Variants in SRGAP3 observed in about 807,000 individuals in gnomAD.
The protein encoded by SRGAP3 is SLIT-ROBO Rho GTPase activating protein 3, also known as SLIT-ROBO Rho GTPase-activating protein 3.
A neutral mutation model predicts 121.1 loss-of-function variants in SRGAP3; 39 were observed. The observed-to-expected ratio is 0.32, with a 90% CI of 0.25 to 0.42. The LOEUF is 0.42. Among genes scored for constraint, SRGAP3 ranks in the 10% least tolerant of loss-of-function variants. The probability of loss-of-function intolerance (pLI) is 1.00; values close to 1 mark genes in which losing one functional copy is unlikely to be tolerated. For missense variants in SRGAP3, 1,213 were observed against 1,470.6 expected (o/e 0.82, Z 2.86); for synonymous variants, 601 against 570.0 (o/e 1.05, Z -0.77).
chr3:9,088,562 C>T (rs1232743195), intron 3 of SRGAP3, among the ~76,000 whole-genome samples: 2 of 152,152 alleles, frequency 1.3e-5, no homozygotes, highest in Non-Finnish European at 2.9e-5. Context: ...ATTCCCTACC[C>T]CCAACCCCCA....
chr3:9,210,112 G>A (rs375876169), intron 1 of SRGAP3, among the ~76,000 whole-genome samples: 1 of 152,192 alleles, frequency 6.6e-6, no homozygotes, highest in East Asian at 1.9e-4. Flanking sequence ...CAAATCTATA[G>A]AGGCAGAAAA....
chr3:9,233,466 T>C (rs748618965), intron 1 of SRGAP3, among the ~76,000 whole-genome samples: 8 of 152,244 alleles, frequency 5.3e-5, no homozygotes, highest in East Asian at 1.9e-4. Flanking sequence ...CATCCCACGA[T>C]GGTATTTACC....
chr3:9,288,419 G>C (rs980168157), intron 3 of SRGAP3, among the ~76,000 whole-genome samples: 2 of 151,792 alleles, frequency 1.3e-5, no homozygotes, highest in African/African-American at 4.8e-5. Flanking sequence ...TTGCAGGCAT[G>C]AGCCACCACA....
At chr3:9,148,161 GAGGAGC>G (rs1342362636) in intron 1 of SRGAP3, among the ~76,000 whole-genome samples, 4 of 152,194 alleles carry the variant, frequency 2.6e-5, no homozygotes, top group Non-Finnish European at 5.9e-5. Flanking sequence ...GAGGGAGAAG[GAGGAGC>G]AGGAGGAGGA....
intron 4 of SRGAP3, among the ~76,000 whole-genome samples, chr3:9,071,664 A>G (rs1946727261): frequency 6.6e-6 from 1 of 151,616 alleles, no homozygotes; most frequent in African/African-American, 2.4e-5. Context: ...GGATGGATGG[A>G]TGGATGGATG....
chr3:9,309,096 A>G (rs77144348), intron 3 of SRGAP3, among the ~76,000 whole-genome samples: 13,406 of 152,242 alleles, frequency 0.088, 698 homozygotes, highest in Admixed American at 0.13. Context: ...TCCCCTCAGG[A>G]TGCTCCTTTT....
chr3:9,049,777 C>CT (rs34472476), intron 9 of SRGAP3, among the ~76,000 whole-genome samples: 108,216 of 142,682 alleles, frequency 0.76, 41,090 homozygotes, highest in African/African-American at 0.83. Flanking sequence ...TGAGAACCTA[C>CT]TTTTTTTTTT....
Position 8,985,897 on chromosome 3 carries a change from C to G in SRGAP3, c.2922G>C (p.Glu974Asp). 1 of 1,599,768 alleles carries G rather than the reference C, an allele frequency of 6.3e-7. No homozygotes were observed. Among genetic ancestry groups the G allele is most frequent in the Non-Finnish European group, 8.5e-7 (1 of 1,179,904 alleles). ...TGTTCTGCCTCTCGAGTTCCCGCAA[C>G]TCGTGCAGAGCCGTGCTCATGGTCT... is the stretch of plus-strand genomic sequence containing the variant. ...IEKTMSTALH[E>D]LRELERQNTV... Residue 974 changes from glutamate (E) to aspartate (D), a missense_variant, in exon 22 of 22, where the codon GAG becomes GAC. Physicochemically the swap from Glu to Asp is conservative, Grantham distance 45. Around this residue, in one of 2 missense-constraint regions of SRGAP3, gnomAD observed 420 missense variants for 437.7 expected, o/e 0.96. Coordinates refer to ENST00000383836, the MANE Select transcript of SRGAP3 (RefSeq NM_014850.4). The surrounding 1 kb of genome is among the most constrained non-coding windows in gnomAD (Gnocchi z 5.1).
chr3:9,082,939 G>A (rs1476748877), intron 3 of SRGAP3, among the ~76,000 whole-genome samples: 1 of 152,146 alleles, frequency 6.6e-6, no homozygotes, highest in African/African-American at 2.4e-5. Flanking sequence ...CAGAAACCTC[G>A]GAGGCAATTC....
chr3:9,337,226 G>T (rs1955708584), intron 1 of SRGAP3, among the ~76,000 whole-genome samples: 1 of 152,164 alleles, frequency 6.6e-6, no homozygotes, highest in Non-Finnish European at 1.5e-5. Flanking sequence ...GCTTTACTCA[G>T]TCTACCAATT....
At chr3:9,292,685 G>C (rs1271369869) in intron 3 of SRGAP3, 1 of 152,122 alleles carries the variant, frequency 6.6e-6, no homozygotes, top group Non-Finnish European at 1.5e-5. Flanking sequence ...CTAGCCCCGA[G>C]CAAAGAAACC....
chr3:9,157,815 TAA>T (rs1379491509), intron 1 of SRGAP3, among the ~76,000 whole-genome samples: 1 of 152,168 alleles, frequency 6.6e-6, no homozygotes, highest in African/African-American at 2.4e-5. Context: ...GTCACACTGT[TAA>T]AATACAAACT....
At chr3:9,172,898 G>A (rs1169387937) in intron 1 of SRGAP3, among the ~76,000 whole-genome samples, 3 of 152,234 alleles carry the variant, frequency 2.0e-5, no homozygotes, top group Non-Finnish European at 2.9e-5. Context: ...TGTCTAGTGC[G>A]GTAGATGAGA....
At chr3:8,994,968 T>G (rs1182340643) in intron 18 of SRGAP3, among the ~76,000 whole-genome samples, 8 of 152,224 alleles carry the variant, frequency 5.3e-5, no homozygotes, top group Admixed American at 5.2e-4. Context: ...CAGACTCTAA[T>G]CTGCAAAATC....
chr3:9,035,329 A>G, intron 11 of SRGAP3: 1 of 163,216 alleles, frequency 6.1e-6, no homozygotes, highest in Non-Finnish European at 1.3e-5. Flanking sequence ...AGTGGAAAAA[A>G]GGGGAAATAG....
chr3:9,236,575 C>T (rs1422913261), intron 1 of SRGAP3, among the ~76,000 whole-genome samples: 3 of 151,876 alleles, frequency 2.0e-5, no homozygotes, highest in Non-Finnish European at 4.4e-5. Flanking sequence ...AAGTGTGTGG[C>T]ACTTCCCCCC....
intron 3 of SRGAP3, among the ~76,000 whole-genome samples, chr3:9,298,191 G>A (rs7644575): frequency 0.22 from 32,943 of 152,112 alleles, 4,466 homozygotes; most frequent in Non-Finnish European, 0.3. Context: ...TATATATCTC[G>A]TGAGATAACT....
chr3:9,159,639 G>A (rs200018335), intron 1 of SRGAP3, among the ~76,000 whole-genome samples: 1 of 135,796 alleles, frequency 7.4e-6, no homozygotes, highest in African/African-American at 2.4e-5. Flanking sequence ...AAACCTGCAC[G>A]TATACCCCTG....
chr3:9,340,994 TG>T (rs1575017987), intron 1 of SRGAP3, among the ~76,000 whole-genome samples: 1 of 152,232 alleles, frequency 6.6e-6, no homozygotes, highest in African/African-American at 2.4e-5. Context: ...CCAGTATGGC[TG>T]GGTTTTGGTG....
Sources: gnomAD v4.1 joint callset for allele counts (sites outside exome capture counted in the v4.1 genomes callset) on GRCh38, gnomAD v4.1.1 for gene constraint, gnomAD v4.1.1 regional missense constraint, Gnocchi (gnomAD v3.1) non-coding constraint, MANE v1.5 for transcripts, NCBI Gene and HGNC (gene_info 2026-07-23, HGNC 2026-07-21) for gene names.